The following RUNX1 variants were observed in gnomAD, a reference collection of about 807,000 sequenced individuals.
RUNX1 encodes the protein runt-related transcription factor 1.
RUNX1 carries 19 observed loss-of-function variants against 42.8 expected under a neutral mutation model. That is an observed-to-expected ratio of 0.44 (90% CI 0.31 to 0.65). RUNX1 has a LOEUF of 0.65. Among genes scored for constraint, RUNX1 ranks in the 30% least tolerant of loss-of-function variants. The pLI is 0.07. For synonymous variants in RUNX1, 271 were observed against 289.4 expected (o/e 0.94, Z 0.64); for missense variants, 528 against 672.0 (o/e 0.79, Z 2.37).
At chr21:34,977,625 G>T (rs2058812871) in intron 2 of RUNX1, among the ~76,000 whole-genome samples, 1 of 152,338 alleles carries the variant, frequency 6.6e-6, no homozygotes. Context: ...ACACATGGAA[G>T]TGGGGACAGT....
intron 7 of RUNX1, among the ~76,000 whole-genome samples, chr21:34,813,667 G>A (rs1450195196): frequency 1.3e-5 from 2 of 151,940 alleles, no homozygotes; most frequent in East Asian, 3.9e-4. Context: ...GCTGACCGTC[G>A]GCTTTGCCAT....
chr21:34,850,207 TG>T (rs1357016841), intron 6 of RUNX1, among the ~76,000 whole-genome samples: 1 of 152,228 alleles, frequency 6.6e-6, no homozygotes, highest in African/African-American at 2.4e-5. Flanking sequence ...ATCTGAAAGC[TG>T]TGGGTCCATC....
chr21:34,850,524 G>A (rs1348619881), intron 6 of RUNX1, among the ~76,000 whole-genome samples: 1 of 152,166 alleles, frequency 6.6e-6, no homozygotes, highest in Non-Finnish European at 1.5e-5. Context: ...ACAGTGTGGA[G>A]ACTTCTGCAG....
intron 2 of RUNX1, among the ~76,000 whole-genome samples, chr21:35,006,237 C>T (rs1601663772): frequency 1.3e-5 from 2 of 152,144 alleles, no homozygotes; most frequent in African/African-American, 2.4e-5. Context: ...GGCACCCACA[C>T]GTGGAAGATT....
chr21:34,974,067 C>T (rs759008571), intron 2 of RUNX1, among the ~76,000 whole-genome samples: 6 of 152,184 alleles, frequency 3.9e-5, no homozygotes, highest in African/African-American at 1.2e-4. Flanking sequence ...ATGCTCCTCC[C>T]ACCCCTTCAT....
intron 6 of RUNX1, 154 bp downstream of exon 6, chr21:34,859,320 G>A (rs2057537356): frequency 1.5e-6 from 1 of 679,544 alleles, no homozygotes; most frequent in Non-Finnish European, 2.7e-6. Flanking sequence ...AGTAGCGAGA[G>A]TATTGACAAT....
At chr21:34,862,971 T>C (rs1156348011) in intron 5 of RUNX1, among the ~76,000 whole-genome samples, 2 of 152,188 alleles carry the variant, frequency 1.3e-5, no homozygotes, top group Admixed American at 1.3e-4. Flanking sequence ...CAACAAAGAA[T>C]GGTTGCATTC....
intron 3 of RUNX1, chr21:34,887,838 G>C: frequency 1.9e-6 from 2 of 1,064,962 alleles, no homozygotes; most frequent in Non-Finnish European, 1.1e-6. Context: ...AGTTGGAGCA[G>C]TGCTGAGCTA....
rs185634584 is a variant in RUNX1 at position 34,923,249 on chromosome 21, C to T, written c.59-30286G>A. Among the ~76,000 whole-genome samples, 342 of 152,292 alleles carry T rather than the reference C, an allele frequency of 2.2e-3. 1 individual carries two copies. The highest frequency in any genetic ancestry group is 3.5e-3 in the Non-Finnish European group (237 of 68,020). Reference sequence around the variant, plus strand: ...ATCAAGCACCCAGGGGCTGCTGATTCCCTTTCATCTTGTGCAACAGTAAAG... The same window carrying T: ...ATCAAGCACCCAGGGGCTGCTGATTTCCTTTCATCTTGTGCAACAGTAAAG... On this transcript the variant is annotated intron_variant, in intron 2 of 8. Coordinates refer to ENST00000675419, the MANE Select transcript of RUNX1 (RefSeq NM_001754.5).
At chr21:34,849,304 A>AATATATATTAT (rs1212238227) in intron 6 of RUNX1, among the ~76,000 whole-genome samples, 4 of 39,148 alleles carry the variant, frequency 1.0e-4, no homozygotes, top group African/African-American at 3.7e-4. Flanking sequence ...TAAAATATAT[A>AATATATATTAT]ATATATATTA....
chr21:35,038,404 A>G, intron 2 of RUNX1: 1 of 387,148 alleles, frequency 2.6e-6, no homozygotes, highest in Admixed American at 3.1e-5. Context: ...ACATGGACTG[A>G]AGCCTCCAGG....
chr21:35,023,367 G>A (rs932351878), intron 2 of RUNX1, among the ~76,000 whole-genome samples: 4 of 152,176 alleles, frequency 2.6e-5, no homozygotes, highest in Non-Finnish European at 4.4e-5. Flanking sequence ...GAAACTACTC[G>A]AAGCCCATAT....
At chr21:35,027,633 G>A (rs1160626195) in intron 2 of RUNX1, among the ~76,000 whole-genome samples, 2 of 152,246 alleles carry the variant, frequency 1.3e-5, no homozygotes, top group Non-Finnish European at 2.9e-5. Context: ...AAAAATCCTA[G>A]TTGGGAGTGG....
At chr21:34,991,476 G>A (rs776282464) in intron 2 of RUNX1, among the ~76,000 whole-genome samples, 1 of 152,190 alleles carries the variant, frequency 6.6e-6, no homozygotes, top group Non-Finnish European at 1.5e-5. Flanking sequence ...ACGGGCACTT[G>A]GCTGACTTTA....
intron 2 of RUNX1, among the ~76,000 whole-genome samples, chr21:34,981,280 A>G (rs948835854): frequency 1.3e-5 from 2 of 152,220 alleles, no homozygotes; most frequent in African/African-American, 4.8e-5. Context: ...AACCTGGGAC[A>G]CACACTTAAT....
At chr21:34,856,072 C>G (rs1156274640) in intron 6 of RUNX1, among the ~76,000 whole-genome samples, 1 of 152,192 alleles carries the variant, frequency 6.6e-6, no homozygotes, top group African/African-American at 2.4e-5. Context: ...ACGAAAAACA[C>G]TTTAAATTCC....
At chr21:35,029,516 G>C (rs1189125651) in intron 2 of RUNX1, among the ~76,000 whole-genome samples, 1 of 152,156 alleles carries the variant, frequency 6.6e-6, no homozygotes, top group Non-Finnish European at 1.5e-5. Flanking sequence ...AGAGAGCCTG[G>C]AACACGGTTG....
chr21:34,850,170 G>A (rs1350344531), intron 6 of RUNX1, among the ~76,000 whole-genome samples: 1 of 152,126 alleles, frequency 6.6e-6, no homozygotes, highest in Admixed American at 6.5e-5. Flanking sequence ...TAATGTGCTG[G>A]GATGCTGTGA....
At chr21:34,803,314 G>A (rs1341585327) in intron 7 of RUNX1, among the ~76,000 whole-genome samples, 2 of 152,070 alleles carry the variant, frequency 1.3e-5, no homozygotes, top group East Asian at 3.9e-4. Context: ...TTGGGAGGCC[G>A]AGGCGGGTGG....
Sources: gnomAD v4.1 joint callset for allele counts (sites outside exome capture counted in the v4.1 genomes callset) on GRCh38, gnomAD v4.1.1 for gene constraint, MANE v1.5 for transcripts, NCBI Gene and HGNC (gene_info 2026-07-23, HGNC 2026-07-21) for gene names.